The following VCAM1 variants were observed in gnomAD, a reference collection of about 807,000 sequenced individuals.
VCAM1 encodes vascular cell adhesion molecule 1.
VCAM1 carries 41 observed loss-of-function variants against 63.8 expected under a neutral mutation model. The ratio of observed to expected loss-of-function variants is 0.64; its 90% confidence interval spans 0.50 to 0.83. The LOEUF is 0.83. Ranked by LOEUF, VCAM1 falls within the 40% of genes least tolerant of loss-of-function variation. The pLI is 0.00. For missense variants in VCAM1, 798 were observed against 875.5 expected (o/e 0.91, Z 1.12); for synonymous variants, 338 against 320.7 (o/e 1.05, Z -0.58).
At chr1:100,735,687 A>G (rs753231140) in intron 8 of VCAM1, 6 of 152,216 alleles carry the variant, frequency 3.9e-5, no homozygotes, top group Non-Finnish European at 5.9e-5. Context: ...GCCTTACCGT[A>G]TGTATGTTTT....
In VCAM1 at chr1:100,731,699, T is replaced by C. The variant is rs1660462680; in HGVS notation, c.1525+181T>C. 1.3e-5 allele frequency among the ~76,000 whole-genome samples: 2 copies of C among 152,182 alleles called. No homozygotes were observed. Among genetic ancestry groups the C allele is most frequent in the Admixed American group, 6.5e-5 (1 of 15,276 alleles). Reference sequence around the variant, plus strand: ...CTCCCTAAACTTAAAATAGTAACTATTTACTGGCTTATGATGCTTTGAGTA... The same window carrying C: ...CTCCCTAAACTTAAAATAGTAACTACTTACTGGCTTATGATGCTTTGAGTA... On this transcript the variant is annotated intron_variant, in intron 6 of 8. Transcript: ENST00000294728. This position sits in a 1 kb window ranked among gnomAD's most constrained non-coding sequence, Gnocchi z 4.2.
rs1393961563 is a variant in VCAM1, at chr1:100,731,792, G to A, written c.1525+274G>A. Among the ~76,000 whole-genome samples, 1 of 152,162 alleles carries A rather than the reference G, an allele frequency of 6.6e-6. No individual in the cohort carries two copies. On this transcript the variant is annotated intron_variant, in intron 6 of 8. Coordinates refer to ENST00000294728, the MANE Select transcript of VCAM1 (RefSeq NM_001078.4). The surrounding 1 kb of genome is among the most constrained non-coding windows in gnomAD (Gnocchi z 4.2). ...TATGGTATTAGCTGAGCTCACTCGT[G>A]CATTTTCAGTAAGGTTAGCAGGGCT...
At chr1:100,724,596 T>C in intron 3 of VCAM1, 28 bp from the exon 4 acceptor site, 1 of 1,604,144 alleles carries the variant, frequency 6.2e-7, no homozygotes. Context: ...TGCTTAGCAA[T>C]TGCTAATATT....
chr1:100,732,023 A>G (rs139695241), intron 6 of VCAM1, among the ~76,000 whole-genome samples: 6 of 152,296 alleles, frequency 3.9e-5, no homozygotes, highest in African/African-American at 1.2e-4. Flanking sequence ...TCCACATTCA[A>G]TTGGTCAAAG....
rs530101924 is a variant in VCAM1, at chr1:100,733,325, T to G, written c.1792+641T>G. Among the ~76,000 whole-genome samples the G allele has an allele frequency of 3.3e-5, 5 of 152,310 alleles. No homozygotes were observed. In the South Asian group the frequency reaches 1.0e-3, roughly 32 times the overall value. On this transcript the variant is annotated intron_variant, in intron 7 of 8. Coordinates refer to ENST00000294728, the MANE Select transcript of VCAM1 (RefSeq NM_001078.4). ...AAAATCATCAGGTGATCAATGTGGA[T>G]TTCCTCTATCCCATCCCTTTTGGGT...
At position 100,731,358 on chromosome 1, in the gene VCAM1, T is replaced by A. The variant is rs369802629; in HGVS notation, c.1365T>A (p.Asp455Glu). The change falls in exon 6 of 9, where the codon GAT becomes GAA. Residue 455 changes from aspartate to glutamate, a missense_variant. Coordinates refer to ENST00000294728, the MANE Select transcript of VCAM1 (RefSeq NM_001078.4). The surrounding 1 kb of genome is among the most constrained non-coding windows in gnomAD (Gnocchi z 4.2). ...TGGAGAATATAGAGTTTTTGGAGGA[T>A]ACGGATATGAAATCTCTAGAGAACA... ...TILENIEFLEDTDMKSLENKS... is the reference protein window; with the variant it reads ...TILENIEFLEETDMKSLENKS... 1 of 1,613,814 alleles carries A rather than the reference T, an allele frequency of 6.2e-7. No individual in the cohort carries two copies.
rs777035915 is a variant in VCAM1 at position 100,723,222 on chromosome 1, C to T, written c.543C>T (p.Thr181=). The change falls in exon 3 of 9, where the codon ACC becomes ACT. Residue 181 remains threonine, a synonymous_variant. Coordinates refer to ENST00000294728, the MANE Select transcript of VCAM1 (RefSeq NM_001078.4). ...KSLETKSLEV[T]FTPVIEDIGK... ...TGGAAACCAAGAGTTTGGAAGTAACCTTTACTCCTGTCATTGAGGATATTG... is the reference window on the plus strand; with the variant it reads ...TGGAAACCAAGAGTTTGGAAGTAACTTTTACTCCTGTCATTGAGGATATTG... 3.0e-5 allele frequency: 48 copies of T among 1,612,970 alleles called. No homozygotes were observed. The highest frequency in any genetic ancestry group is 4.1e-5 in the Non-Finnish European group (48 of 1,179,406).
rs1660004871 is a variant in VCAM1 at position 100,722,929 on chromosome 1, G to A, written c.341-91G>A. The A allele has an allele frequency of 8.7e-6, 12 of 1,383,588 alleles. No homozygotes were observed. The South Asian group carries it at 1.0e-4, about 12-fold the overall frequency. 85.7% of individuals were successfully genotyped at this position (1,383,588 alleles called of 1,614,324 possible). Reference sequence around the variant, plus strand: ...GTATTAAGACTGTATTAACAAAAACGCTAGACTTGATTTGTATTGTGTTAA... The same window carrying A: ...GTATTAAGACTGTATTAACAAAAACACTAGACTTGATTTGTATTGTGTTAA... On this transcript the variant is annotated intron_variant, in intron 2 of 8. Coordinates refer to ENST00000294728, the MANE Select transcript of VCAM1 (RefSeq NM_001078.4).
rs1660731125 is a variant in VCAM1 at position 100,738,280 on chromosome 1, G to T, written c.2217G>T (p.Val739=). 6.2e-7 allele frequency: 1 copy of T among 1,612,628 alleles called. No homozygotes were observed. The highest frequency in any genetic ancestry group is 8.5e-7 in the Non-Finnish European group (1 of 1,179,240). The change falls in exon 9 of 9, where the codon GTG becomes GTT. Residue 739 remains valine, a synonymous_variant. Coordinates refer to ENST00000294728, the MANE Select transcript of VCAM1 (RefSeq NM_001078.4). ...TTGTAGAAGCACAGAAGTCAAAAGT[G>T]TAGCTAATGCTTGATATGTTCAACT... ...YSLVEAQKSK[V]
chr1:100,735,069 T>C, intron 8 of VCAM1: 1 of 288,952 alleles, frequency 3.5e-6, no homozygotes, highest in Admixed American at 4.8e-5. Flanking sequence ...TCCCGGGAGG[T>C]TATAAGGAAA....
intron 7 of VCAM1, among the ~76,000 whole-genome samples, chr1:100,732,932 A>C (rs1248279599): frequency 6.6e-6 from 1 of 152,208 alleles, no homozygotes; most frequent in African/African-American, 2.4e-5. Context: ...GACCTGTGTC[A>C]GAAGTTCCAG....
chr1:100,736,770 G>T (rs1324134837), intron 8 of VCAM1: 1 of 152,054 alleles, frequency 6.6e-6, no homozygotes, highest in Non-Finnish European at 1.5e-5. Context: ...TATGCTTAGG[G>T]TGAACTGTTT....
At chr1:100,727,412 G>C (rs550352059) in intron 4 of VCAM1, among the ~76,000 whole-genome samples, 2 of 151,968 alleles carry the variant, frequency 1.3e-5, no homozygotes, top group Non-Finnish European at 2.9e-5. Flanking sequence ...TGTTAGGTTA[G>C]CATTCTCAAG....
In VCAM1 at chr1:100,720,493, G is replaced by A; in HGVS notation, c.82G>A (p.Glu28Lys). Residue 28 changes from glutamate to lysine, a missense_variant, in exon 2 of 9, where the codon GAG (glutamate) becomes AAG (lysine). Glu to Lys is a moderately conservative substitution (Grantham distance 56). Coordinates refer to ENST00000294728, the MANE Select transcript of VCAM1 (RefSeq NM_001078.4). ...TTTTGCAGCTCAAGCTTTTAAAATCGAGACCACCCCAGAATCTAGATATCT... is the reference window on the plus strand; with the variant it reads ...TTTTGCAGCTCAAGCTTTTAAAATCAAGACCACCCCAGAATCTAGATATCT... ...MFAASQAFKI[E>K]TTPESRYLAQ... The A allele has an allele frequency of 3.1e-6, 5 of 1,603,604 alleles. No individual in the cohort carries two copies. The highest frequency in any genetic ancestry group is 4.3e-6 in the Non-Finnish European group (5 of 1,173,104).
At chr1:100,736,235 A>G (rs371520306) in intron 8 of VCAM1, 14 of 152,332 alleles carry the variant, frequency 9.2e-5, no homozygotes, top group African/African-American at 3.4e-4. Context: ...CTCATTATTT[A>G]AATGAACAAT....
chr1:100,732,758 C>G, intron 7 of VCAM1, 74 bp downstream of exon 7: 2 of 1,447,832 alleles, frequency 1.4e-6, no homozygotes, highest in Non-Finnish European at 1.8e-6. Flanking sequence ...TGAGTAAAGT[C>G]TTTGAAAACA....
At position 100,733,580 on chromosome 1, in the gene VCAM1, C is replaced by A. The variant is rs556556442; in HGVS notation, c.1792+896C>A. On this transcript the variant is annotated intron_variant, in intron 7 of 8. Transcript: ENST00000294728. ...GGGGAAAGAATTTCAAATCAACTTA[C>A]AAAATAGAAGACCTTAATAGGGATT... is the stretch of plus-strand genomic sequence containing the variant. 1.2e-3 allele frequency among the ~76,000 whole-genome samples: 189 copies of A among 152,206 alleles called. 3 individuals are homozygous for A. Among genetic ancestry groups the A allele is most frequent in the Admixed American group, 2.0e-3 (31 of 15,296 alleles).
At chr1:100,724,052 AG>A (rs1415863185) in intron 3 of VCAM1, among the ~76,000 whole-genome samples, 2 of 152,106 alleles carry the variant, frequency 1.3e-5, no homozygotes, top group African/African-American at 2.4e-5. Flanking sequence ...TAGTCAAGAT[AG>A]AGGATATTTT....
At chr1:100,724,406 C>T (rs1272324085) in intron 3 of VCAM1, among the ~76,000 whole-genome samples, 1 of 152,036 alleles carries the variant, frequency 6.6e-6, no homozygotes, top group Non-Finnish European at 1.5e-5. Context: ...TTCTGAGTAT[C>T]TACAACCATC....
Sources: gnomAD v4.1 joint callset for allele counts (sites outside exome capture counted in the v4.1 genomes callset) on GRCh38, gnomAD v4.1.1 for gene constraint, Gnocchi (gnomAD v3.1) non-coding constraint, MANE v1.5 for transcripts, NCBI Gene and HGNC (gene_info 2026-07-23, HGNC 2026-07-21) for gene names.